The following UBE2D1 variants were observed in gnomAD, a reference collection of about 807,000 sequenced individuals.
The protein encoded by UBE2D1 is ubiquitin-conjugating enzyme E2 D1.
UBE2D1 carries 9 observed loss-of-function variants against 24.6 expected under a neutral mutation model. The observed-to-expected ratio is 0.37, with a 90% CI of 0.22 to 0.64. UBE2D1 has a LOEUF of 0.64. UBE2D1 is among the 30% of genes least tolerant of loss of function. UBE2D1 has a pLI of 0.64. For synonymous variants in UBE2D1, 57 were observed against 57.6 expected (o/e 0.99, Z 0.04); for missense variants, 87 against 177.1 (o/e 0.49, Z 2.89).
intron 1 of UBE2D1, among the ~76,000 whole-genome samples, chr10:58,347,736 C>T (rs2132319752): frequency 6.6e-6 from 1 of 151,740 alleles, no homozygotes; most frequent in Middle Eastern, 3.4e-3. Flanking sequence ...CAACCTCCGC[C>T]TCCTGGGTTC....
rs1038615232 is a variant in UBE2D1 at position 58,368,967 on chromosome 10, T to G, written c.*202T>G. 5.7e-6 allele frequency: 2 copies of G among 349,732 alleles called. No individual in the cohort carries two copies. Among genetic ancestry groups the G allele is most frequent in the Non-Finnish European group, 1.0e-5 (2 of 192,088 alleles). 21.7% of individuals were successfully genotyped at this position (349,732 alleles called of 1,614,324 possible). A position where few individuals can be genotyped will look rare whatever the true frequency, so the allele number is the denominator to read the frequency against. On this transcript the variant is annotated 3_prime_UTR_variant, in exon 7 of 7. Coordinates refer to ENST00000373910, the MANE Select transcript of UBE2D1 (RefSeq NM_003338.5). ...ACTGTGATGAGAGCATTTATCATTTTGTATGCATTGAGAAAGACATTTATT... is the reference window on the plus strand; with the variant it reads ...ACTGTGATGAGAGCATTTATCATTTGGTATGCATTGAGAAAGACATTTATT...
At chr10:58,353,221 G>A (rs532844960) in intron 1 of UBE2D1, among the ~76,000 whole-genome samples, 7 of 152,252 alleles carry the variant, frequency 4.6e-5, no homozygotes, top group African/African-American at 1.4e-4. Flanking sequence ...TGCCTTGGAG[G>A]GGTATAGTTG....
intron 3 of UBE2D1, among the ~76,000 whole-genome samples, chr10:58,362,808 A>G (rs930661698): frequency 1.1e-4 from 17 of 152,116 alleles, no homozygotes; most frequent in African/African-American, 3.9e-4. Flanking sequence ...CGAGAAAGTA[A>G]TGAGTCTTGG....
At chr10:58,356,424 T>A (rs1202507676) in intron 1 of UBE2D1, among the ~76,000 whole-genome samples, 1 of 152,202 alleles carries the variant, frequency 6.6e-6, no homozygotes, top group Non-Finnish European at 1.5e-5. Context: ...TCTGTTTCAC[T>A]GTTTTAAATA....
chr10:58,339,016 T>G (rs1391929385), intron 1 of UBE2D1, among the ~76,000 whole-genome samples: 1 of 152,196 alleles, frequency 6.6e-6, no homozygotes, highest in Non-Finnish European at 1.5e-5. Flanking sequence ...TTTGTAGAAT[T>G]TTATGTTAAA....
chr10:58,335,156 G>A lies in UBE2D1; in HGVS notation c.-46G>A. On this transcript the variant is annotated 5_prime_UTR_variant, in exon 1 of 7. Transcript: ENST00000373910. ...GCGACGACCCACGCCCCTGAGCCCC[G>A]CAGCCGACCCCTGCCGGCCGGTGTC... is the stretch of plus-strand genomic sequence containing the variant. 6.5e-7 allele frequency: 1 copy of A among 1,534,458 alleles called. No individual in the cohort carries two copies.
chr10:58,348,369 C>A (rs1393410555), intron 1 of UBE2D1, among the ~76,000 whole-genome samples: 1 of 152,156 alleles, frequency 6.6e-6, no homozygotes, highest in Non-Finnish European at 1.5e-5. Flanking sequence ...TATTTACAGA[C>A]AAACCAAATA....
chr10:58,341,477 T>C (rs1349191489), intron 1 of UBE2D1, among the ~76,000 whole-genome samples: 1 of 152,202 alleles, frequency 6.6e-6, no homozygotes. Context: ...TCCTTGATAC[T>C]GTATTTTTCT....
At chr10:58,356,059 CTCT>C (rs1185684942) in intron 1 of UBE2D1, among the ~76,000 whole-genome samples, 2 of 152,086 alleles carry the variant, frequency 1.3e-5, no homozygotes. Context: ...GCCATTTTAT[CTCT>C]TTTTTTATAT....
At chr10:58,353,282 A>G (rs1157659516) in intron 1 of UBE2D1, among the ~76,000 whole-genome samples, 1 of 152,222 alleles carries the variant, frequency 6.6e-6, no homozygotes, top group Non-Finnish European at 1.5e-5. Context: ...ATGTAGAAGT[A>G]CTTAATAAAT....
intron 1 of UBE2D1, among the ~76,000 whole-genome samples, chr10:58,336,203 C>T (rs1839902114): frequency 6.6e-6 from 1 of 152,074 alleles, no homozygotes; most frequent in Non-Finnish European, 1.5e-5. Flanking sequence ...TGTGTACTGA[C>T]CCAAGTTTTA....
At chr10:58,367,452 A>G (rs1446589610) in intron 5 of UBE2D1, among the ~76,000 whole-genome samples, 1 of 152,174 alleles carries the variant, frequency 6.6e-6, no homozygotes, top group African/African-American at 2.4e-5. Flanking sequence ...TGCATGCAAT[A>G]CAAATAAACT....
At chr10:58,347,141 A>G (rs1165065109) in intron 1 of UBE2D1, among the ~76,000 whole-genome samples, 1 of 151,696 alleles carries the variant, frequency 6.6e-6, no homozygotes, top group Non-Finnish European at 1.5e-5. Context: ...CTTATATCAG[A>G]CTCTTCTACA....
chr10:58,352,947 C>G (rs1372801131), intron 1 of UBE2D1, among the ~76,000 whole-genome samples: 1 of 152,138 alleles, frequency 6.6e-6, no homozygotes, highest in Non-Finnish European at 1.5e-5. Flanking sequence ...GTGACACATT[C>G]AGAAGGGGAC....
chr10:58,343,567 T>C (rs1223496762), intron 1 of UBE2D1, among the ~76,000 whole-genome samples: 1 of 152,120 alleles, frequency 6.6e-6, no homozygotes, highest in African/African-American at 2.4e-5. Context: ...AGCAAATGAA[T>C]ACATATACAC....
At chr10:58,343,020 A>G (rs555784635) in intron 1 of UBE2D1, among the ~76,000 whole-genome samples, 61 of 151,990 alleles carry the variant, frequency 4.0e-4, no homozygotes, top group African/African-American at 1.4e-3. Flanking sequence ...TAGTAGAGAC[A>G]AGGTTTCACC....
At chr10:58,359,379 T>G (rs1225731495) in intron 1 of UBE2D1, among the ~76,000 whole-genome samples, 1 of 152,232 alleles carries the variant, frequency 6.6e-6, no homozygotes, top group African/African-American at 2.4e-5. Flanking sequence ...ATCTTAGATT[T>G]GATTAAGTGC....
At chr10:58,335,278 C>G (rs1383882042) in intron 1 of UBE2D1, 53 bp downstream of exon 1, 8 of 1,480,856 alleles carry the variant, frequency 5.4e-6, no homozygotes, top group Non-Finnish European at 7.2e-6. Context: ...CCTGCCCACG[C>G]TGACTCGGCC....
intron 1 of UBE2D1, among the ~76,000 whole-genome samples, chr10:58,344,088 G>A (rs931279281): frequency 5.3e-5 from 8 of 152,080 alleles, no homozygotes; most frequent in Admixed American, 2.6e-4. Flanking sequence ...TAAACACAAC[G>A]CTCCTGAAAG....
Sources: gnomAD v4.1 joint callset for allele counts (sites outside exome capture counted in the v4.1 genomes callset) on GRCh38, gnomAD v4.1.1 for gene constraint, MANE v1.5 for transcripts, NCBI Gene and HGNC (gene_info 2026-07-23, HGNC 2026-07-21) for gene names.